TMEM204: variants seen among roughly 807,000 people sequenced by gnomAD.
TMEM204 encodes transmembrane protein 204.
TMEM204 carries 15 observed loss-of-function variants against 19.4 expected under a neutral mutation model. That is an observed-to-expected ratio of 0.77 (90% CI 0.52 to 1.19). The LOEUF is 1.19. TMEM204 is among the 50% of genes most tolerant of loss of function. The pLI is 0.00. For synonymous variants in TMEM204, 161 were observed against 146.0 expected (o/e 1.10, Z -0.74); for missense variants, 287 against 321.2 (o/e 0.89, Z 0.81).
intron 1 of TMEM204, chr16:1,541,536 G>A (rs1473273741): frequency 2.0e-6 from 2 of 982,882 alleles, no homozygotes; most frequent in Non-Finnish European, 2.4e-6. Context: ...TTCAGTGACA[G>A]GGAAGCCGGT....
chr16:1,541,890 T>C (rs2031679593), intron 1 of TMEM204, 31 bp from the exon 2 acceptor site: 2 of 1,557,134 alleles, frequency 1.3e-6, no homozygotes, highest in Middle Eastern at 1.7e-4. Flanking sequence ...CCACCTGCAC[T>C]CACCACTGCC....
At chr16:1,545,210 G>A (rs898713107) in intron 2 of TMEM204, among the ~76,000 whole-genome samples, 1 of 152,194 alleles carries the variant, frequency 6.6e-6, no homozygotes, top group Non-Finnish European at 1.5e-5. Context: ...GGATGGTGGC[G>A]GGGGCGGGAC....
upstream of TMEM204, chr16:1,531,007 A>T (rs2030425637): frequency 6.6e-6 from 1 of 152,210 alleles, no homozygotes; most frequent in Non-Finnish European, 1.5e-5. The surrounding 1 kb of genome is among the most constrained non-coding windows in gnomAD (Gnocchi z 4.7). Flanking sequence ...AAGCGTCCAG[A>T]CCCAGGCGCT....
Position 1,555,080 on chromosome 16 carries a change from G to C in TMEM204, c.*54G>C. 3.9e-6 allele frequency: 6 copies of C among 1,551,544 alleles called. No homozygotes were observed. Among genetic ancestry groups the C allele is most frequent in the South Asian group, 2.4e-5 (2 of 83,286 alleles). Reference sequence around the variant, plus strand: ...ACACCTGCTATCGTGGAACAGCCTAGAAACCAAGGGACTCCACCACCAAGT... The same window carrying C: ...ACACCTGCTATCGTGGAACAGCCTACAAACCAAGGGACTCCACCACCAAGT... On this transcript the variant is annotated 3_prime_UTR_variant, in exon 3 of 3. Coordinates refer to ENST00000566264, the MANE Select transcript of TMEM204 (RefSeq NM_024600.6).
intron 2 of TMEM204, among the ~76,000 whole-genome samples, chr16:1,549,456 C>A (rs902717772): frequency 2.0e-5 from 3 of 152,264 alleles, no homozygotes; most frequent in Admixed American, 6.5e-5. Context: ...GACTGGCTTT[C>A]GCTCTTGTTG....
At chr16:1,528,931 C>T (rs1044911843), upstream of TMEM204, 2 of 152,230 alleles carry the variant, frequency 1.3e-5, no homozygotes, top group Non-Finnish European at 2.9e-5. Flanking sequence ...GAGGTGTGGG[C>T]TGCCCACATC....
intron 2 of TMEM204, among the ~76,000 whole-genome samples, chr16:1,552,003 G>A (rs1249311948): frequency 1.3e-5 from 2 of 152,156 alleles, no homozygotes; most frequent in Non-Finnish European, 2.9e-5. Context: ...TCCCCTATGT[G>A]TGGAAACTGA....
upstream of TMEM204, among the ~76,000 whole-genome samples, chr16:1,530,001 TTC>T (rs1426450382): frequency 4.6e-5 from 7 of 152,168 alleles, no homozygotes; most frequent in Non-Finnish European, 8.8e-5. Flanking sequence ...GACGTCTCAC[TTC>T]TCTAACATCT....
At chr16:1,547,484 G>A (rs906422178) in intron 2 of TMEM204, among the ~76,000 whole-genome samples, 5 of 152,136 alleles carry the variant, frequency 3.3e-5, no homozygotes, top group Non-Finnish European at 7.4e-5. Flanking sequence ...GAATCGTCTC[G>A]TGGAAATATA....
intron 2 of TMEM204, among the ~76,000 whole-genome samples, chr16:1,543,241 A>C (rs1255831302): frequency 6.6e-6 from 1 of 152,264 alleles, no homozygotes; most frequent in Non-Finnish European, 1.5e-5. Flanking sequence ...GTTGCCCTGC[A>C]GTTCCCACAG....
Position 1,555,127 on chromosome 16 carries a change from G to GTGCCTCT in TMEM204, c.*101_*102insTGCCTCT. 6.9e-7 allele frequency: 1 copy of GTGCCTCT among 1,444,228 alleles called. No homozygotes were observed. Among genetic ancestry groups the GTGCCTCT allele is most frequent in the Non-Finnish European group, 9.2e-7 (1 of 1,081,098 alleles). 89.5% of individuals were successfully genotyped at this position (1,444,228 alleles called of 1,614,324 possible). A position where few individuals can be genotyped will look rare whatever the true frequency, so the allele number is the denominator to read the frequency against. On this transcript the variant is annotated 3_prime_UTR_variant, in exon 3 of 3. Transcript: ENST00000566264. ...AAGTCACTTCCCCTGCTCGTGCAGA[G>GTGCCTCT]GCACGGGATGAGTCTGGGTGACCTC...
In TMEM204 at chr16:1,551,457, A is replaced by C. The variant is rs2667664; in HGVS notation, c.437-3325A>C. Among the ~76,000 whole-genome samples, 1 of 152,168 alleles carries C rather than the reference A, an allele frequency of 6.6e-6. No homozygotes were observed. The highest frequency in any genetic ancestry group is 6.5e-5 in the Admixed American group (1 of 15,284). ...GGCCACTGGGCCCCAGGGTGGCAGA[A>C]GGGCGGCCGCAGGTAGCAGGGGAGA... On this transcript the variant is annotated intron_variant, in intron 2 of 2. Transcript: ENST00000566264. This position sits in a 1 kb window ranked among gnomAD's most constrained non-coding sequence, Gnocchi z 4.0.
intron 1 of TMEM204, among the ~76,000 whole-genome samples, chr16:1,535,986 G>A (rs1315582220): frequency 2.6e-5 from 4 of 152,224 alleles, no homozygotes; most frequent in Admixed American, 6.5e-5. Context: ...CCGCAGCCCC[G>A]TTACTGTGCT....
At chr16:1,554,057 A>G (rs1225987005) in intron 2 of TMEM204, 1 of 1,287,192 alleles carries the variant, frequency 7.8e-7, no homozygotes, top group Admixed American at 2.3e-5. Context: ...AGAGAGGGGA[A>G]AGCATGGAAG....
intron 1 of TMEM204, among the ~76,000 whole-genome samples, chr16:1,540,045 G>T (rs1396526182): frequency 6.6e-5 from 10 of 152,212 alleles, no homozygotes; most frequent in Admixed American, 5.9e-4. Context: ...GAAGCAGCTT[G>T]AAATACAGTG....
upstream of TMEM204, among the ~76,000 whole-genome samples, chr16:1,529,458 G>A (rs576189065): frequency 1.3e-5 from 2 of 152,356 alleles, no homozygotes; most frequent in African/African-American, 4.8e-5. Context: ...GCGCTGCGGT[G>A]AAGGTGACAC....
upstream of TMEM204, among the ~76,000 whole-genome samples, chr16:1,529,797 G>C (rs949460847): frequency 2.6e-5 from 4 of 152,206 alleles, no homozygotes; most frequent in African/African-American, 9.7e-5. Context: ...CAGCTGCCCC[G>C]TGCTGAGACA....
intron 1 of TMEM204, among the ~76,000 whole-genome samples, chr16:1,539,810 G>A (rs2031456314): frequency 2.0e-5 from 3 of 152,194 alleles, no homozygotes; most frequent in Non-Finnish European, 2.9e-5. Context: ...CCTTGCCAGC[G>A]GAAGGCTCAT....
upstream of TMEM204, chr16:1,532,769 T>A (rs2030638404): frequency 6.6e-6 from 1 of 152,182 alleles, no homozygotes. Context: ...TAGGAGACCC[T>A]CTCGTGGTGT....
Sources: allele counts gnomAD v4.1 joint callset (sites outside exome capture counted in the v4.1 genomes callset), GRCh38; gene constraint gnomAD v4.1.1; non-coding constraint Gnocchi (gnomAD v3.1); transcripts MANE v1.5; gene names NCBI Gene and HGNC (gene_info 2026-07-23, HGNC 2026-07-21).